GRM7: variants seen among roughly 807,000 people sequenced by gnomAD.
GRM7 encodes metabotropic glutamate receptor 7.
GRM7 carries 35 observed loss-of-function variants against 84.5 expected under a neutral mutation model. That is an observed-to-expected ratio of 0.41 (90% CI 0.32 to 0.55). The LOEUF (loss-of-function observed/expected upper bound fraction) is 0.55. Ranked by LOEUF, GRM7 falls within the 20% of genes least tolerant of loss-of-function variation. The probability of loss-of-function intolerance (pLI) is 0.19; values close to 1 mark genes in which losing one functional copy is unlikely to be tolerated. For missense variants in GRM7, 1,003 were observed against 1,194.6 expected (o/e 0.84, Z 2.36); for synonymous variants, 487 against 455.1 (o/e 1.07, Z -0.89).
At chr3:7,328,730 A>C (rs1701079133) in intron 4 of GRM7, among the ~76,000 whole-genome samples, 2 of 152,250 alleles carry the variant, frequency 1.3e-5, no homozygotes, top group South Asian at 4.1e-4. Context: ...CTTGTAGCTA[A>C]ATGCATTCCT....
chr3:7,061,749 C>T (rs78138566), intron 1 of GRM7, among the ~76,000 whole-genome samples: 1 of 151,598 alleles, frequency 6.6e-6, no homozygotes, highest in Non-Finnish European at 1.5e-5. Context: ...GCATACACAA[C>T]CTCATGTAAT....
At chr3:6,935,612 A>G (rs1199893248) in intron 1 of GRM7, among the ~76,000 whole-genome samples, 3 of 151,368 alleles carry the variant, frequency 2.0e-5, no homozygotes, top group African/African-American at 7.3e-5. Context: ...ATTATGGTTT[A>G]CCAACAGATG....
intron 1 of GRM7, among the ~76,000 whole-genome samples, chr3:6,950,053 A>C (rs1039122854): frequency 6.6e-6 from 1 of 151,638 alleles, no homozygotes; most frequent in East Asian, 1.9e-4. Context: ...TCCTCTCTCA[A>C]CTCATCAAAG....
At chr3:7,012,045 T>C (rs1011411852) in intron 1 of GRM7, among the ~76,000 whole-genome samples, 1 of 152,200 alleles carries the variant, frequency 6.6e-6, no homozygotes, top group Non-Finnish European at 1.5e-5. Context: ...AGCCTGCCTC[T>C]GAGCTGTTTC....
intron 2 of GRM7, among the ~76,000 whole-genome samples, chr3:7,248,197 G>T (rs766139845): frequency 6.6e-6 from 1 of 152,116 alleles, no homozygotes; most frequent in Admixed American, 6.6e-5. Flanking sequence ...TTATTATAGC[G>T]CAAACTAGAA....
intron 2 of GRM7, among the ~76,000 whole-genome samples, chr3:7,270,221 GT>G: frequency 6.6e-6 from 1 of 150,892 alleles, no homozygotes; most frequent in South Asian, 2.1e-4. Context: ...TCTCTTTCCA[GT>G]TTTTTATCAC....
intron 5 of GRM7, among the ~76,000 whole-genome samples, chr3:7,441,870 G>C (rs1697303513): frequency 6.6e-6 from 1 of 151,978 alleles, no homozygotes; most frequent in African/African-American, 2.4e-5. Flanking sequence ...ATGCTGTTTT[G>C]TTTACTGTAG....
chr3:7,288,863 G>A, intron 2 of GRM7, among the ~76,000 whole-genome samples: 1 of 152,062 alleles, frequency 6.6e-6, no homozygotes, highest in East Asian at 1.9e-4. Flanking sequence ...TAATGAAATA[G>A]CGTATATATA....
chr3:7,050,316 A>C (rs533553369), intron 1 of GRM7, among the ~76,000 whole-genome samples: 50 of 151,992 alleles, frequency 3.3e-4, no homozygotes, highest in African/African-American at 1.2e-3. Context: ...CAGACATCCA[A>C]CTGTTCAGTG....
chr3:6,938,995 C>T lies in GRM7; in HGVS notation c.519+77088C>T, dbSNP rs545768761. 2.0e-5 allele frequency among the ~76,000 whole-genome samples: 3 copies of T among 152,320 alleles called. No individual in the cohort carries two copies. In the South Asian group the frequency reaches 6.2e-4, roughly 32 times the overall value. On this transcript the variant is annotated intron_variant, in intron 1 of 9. Coordinates refer to ENST00000357716, the MANE Select transcript of GRM7 (RefSeq NM_000844.4). The stretch of plus-strand genomic sequence containing the variant: ...TAATTCAGTGCATAAACTAACCCCT[C>T]TCGATCTCTTGCTTAAATGTATAAG...
Position 7,614,570 on chromosome 3 carries a change from A to G in GRM7, c.2451+35213A>G, listed in dbSNP as rs570656095. 1.4e-4 allele frequency among the ~76,000 whole-genome samples: 22 copies of G among 152,282 alleles called. No individual in the cohort carries two copies. The South Asian group carries it at 2.3e-3, about 16-fold the overall frequency. On this transcript the variant is annotated intron_variant, in intron 8 of 9. Transcript: ENST00000357716. Reference sequence around the variant, plus strand: ...TTTTATAATCTAGTCAGTAAACTTAATATTTTACTTTGGTTTTGAGTTTGT... The same window carrying G: ...TTTTATAATCTAGTCAGTAAACTTAGTATTTTACTTTGGTTTTGAGTTTGT...
chr3:7,420,049 T>G (rs74695126), intron 5 of GRM7, among the ~76,000 whole-genome samples: 1,554 of 152,290 alleles, frequency 0.01, 28 homozygotes, highest in African/African-American at 0.034. Flanking sequence ...TACACCTCAC[T>G]TCTCAGAGCT....
chr3:7,052,926 G>T (rs1226490393), intron 1 of GRM7, among the ~76,000 whole-genome samples: 5 of 150,810 alleles, frequency 3.3e-5, no homozygotes, highest in Non-Finnish European at 7.4e-5. Context: ...TGTATTGCTG[G>T]GTTTTATTGT....
chr3:6,903,656 C>T (rs1222518396), intron 1 of GRM7, among the ~76,000 whole-genome samples: 1 of 152,118 alleles, frequency 6.6e-6, no homozygotes, highest in Non-Finnish European at 1.5e-5. Flanking sequence ...CTGGTTTATA[C>T]TCAGATATAG....
chr3:6,911,983 A>G (rs150368697), intron 1 of GRM7, among the ~76,000 whole-genome samples: 295 of 152,248 alleles, frequency 1.9e-3, no homozygotes, highest in Non-Finnish European at 3.4e-3. Context: ...GGCTTTGAAG[A>G]TTGATTACAC....
chr3:7,029,301 C>CAAAAAAAAAAAAAAA (rs57622634), intron 1 of GRM7, among the ~76,000 whole-genome samples: 16 of 55,230 alleles, frequency 2.9e-4, no homozygotes, highest in African/African-American at 6.8e-4. Context: ...GACTCTGCCT[C>CAAAAAAAAAAAAAAA]AAAAAAAAAA....
At chr3:7,663,446 C>T (rs1315607624) in intron 8 of GRM7, among the ~76,000 whole-genome samples, 2 of 152,194 alleles carry the variant, frequency 1.3e-5, no homozygotes, top group African/African-American at 4.8e-5. Flanking sequence ...AGCTGGTGAA[C>T]TTTCCAGCAT....
intron 1 of GRM7, among the ~76,000 whole-genome samples, chr3:6,902,376 C>A (rs1696419503): frequency 6.6e-6 from 1 of 152,032 alleles, no homozygotes. Context: ...TGGGTTAAAC[C>A]TTTTTATCAT....
At chr3:7,637,952 C>A (rs1045988642) in intron 8 of GRM7, among the ~76,000 whole-genome samples, 1 of 152,204 alleles carries the variant, frequency 6.6e-6, no homozygotes, top group African/African-American at 2.4e-5. Context: ...TGTTTGCCCA[C>A]AACAGGAACG....
Sources: gnomAD v4.1 joint callset for allele counts (sites outside exome capture counted in the v4.1 genomes callset) on GRCh38, gnomAD v4.1.1 for gene constraint, MANE v1.5 for transcripts, NCBI Gene and HGNC (gene_info 2026-07-23, HGNC 2026-07-21) for gene names.